Variants in FERMT3 observed in about 807,000 individuals in gnomAD.
The protein encoded by FERMT3 is FERM domain containing kindlin 3.
FERMT3 carries 33 observed loss-of-function variants against 80.8 expected under a neutral mutation model. The observed-to-expected ratio is 0.41, with a 90% CI of 0.31 to 0.55. The LOEUF (loss-of-function observed/expected upper bound fraction) is 0.55, where lower values mean the gene tolerates loss of function less well. Among genes scored for constraint, FERMT3 ranks in the 20% least tolerant of loss-of-function variants. The pLI, the probability that FERMT3 is intolerant of heterozygous loss-of-function variation, is 0.31. For missense variants in FERMT3, 754 were observed against 908.7 expected (o/e 0.83, Z 2.19); for synonymous variants, 375 against 372.2 (o/e 1.01, Z -0.09).
chr11:64,223,239 C>A (rs1335832401), intron 14 of FERMT3, 50 bp downstream of exon 14: 2 of 1,613,122 alleles, frequency 1.2e-6, no homozygotes, highest in East Asian at 4.5e-5. Flanking sequence ...CAGGCCGGAG[C>A]TGGATCCAGC....
Position 64,211,793 on chromosome 11 carries a change from G to C in FERMT3, c.786+46G>C, listed in dbSNP as rs766624922. The C allele has an allele frequency of 6.4e-7, 1 of 1,563,686 alleles. No individual in the cohort carries two copies. The highest frequency in any genetic ancestry group is 1.7e-5 in the Admixed American group (1 of 59,852). ...AGCGGGCCTCAGGTCCATGAGATGT[G>C]GAGACCTAGGGCCTGGGGTATGGGC... On this transcript the variant is annotated intron_variant, in intron 6 of 14. Transcript: ENST00000345728. The surrounding 1 kb of genome is among the most constrained non-coding windows in gnomAD (Gnocchi z 4.7).
Position 64,210,295 on chromosome 11 carries a change from G to A in FERMT3, c.161-316G>A, listed in dbSNP as rs912813525. ...TGGATTATGGGAGGACAGAGGGGGC[G>A]TCATGTGGAGGGAGCCCAGTGGGCT... On this transcript the variant is annotated intron_variant, in intron 2 of 14. Coordinates refer to ENST00000345728, the MANE Select transcript of FERMT3 (RefSeq NM_031471.6). This position sits in a 1 kb window ranked among gnomAD's most constrained non-coding sequence, Gnocchi z 4.3. Among the ~76,000 whole-genome samples, 7 of 152,314 alleles carry A rather than the reference G, an allele frequency of 4.6e-5. No individual in the cohort carries two copies. The highest frequency in any genetic ancestry group is 1.3e-4 in the Admixed American group (2 of 15,304).
chr11:64,213,803 T>G (rs368694129), intron 6 of FERMT3, among the ~76,000 whole-genome samples: 9 of 150,964 alleles, frequency 6.0e-5, no homozygotes, highest in African/African-American at 2.2e-4. Context: ...CTCAGGTGAT[T>G]TGCCCACTTT....
intron 2 of FERMT3, among the ~76,000 whole-genome samples, chr11:64,209,019 G>T (rs1289048282): frequency 6.6e-6 from 1 of 152,204 alleles, no homozygotes; most frequent in African/African-American, 2.4e-5. Context: ...GGCCGGGCAG[G>T]GAGGATGGAG....
At chr11:64,221,819 C>T (rs1250443483) in intron 13 of FERMT3, among the ~76,000 whole-genome samples, 2 of 151,898 alleles carry the variant, frequency 1.3e-5, no homozygotes, top group African/African-American at 4.8e-5. Flanking sequence ...CCCAGCTACT[C>T]AGGAGACTGA....
At chr11:64,212,857 A>C (rs146064019) in intron 6 of FERMT3, among the ~76,000 whole-genome samples, 37 of 152,154 alleles carry the variant, frequency 2.4e-4, no homozygotes, top group African/African-American at 6.3e-4. Flanking sequence ...TCTCCAGCTC[A>C]GATGTCTCTC....
intron 6 of FERMT3, among the ~76,000 whole-genome samples, chr11:64,217,380 T>C (rs1205069545): frequency 6.6e-6 from 1 of 152,190 alleles, no homozygotes; most frequent in African/African-American, 2.4e-5. Flanking sequence ...AGAAAGCCTG[T>C]ATCTACTAAA....
At position 64,221,136 on chromosome 11, in the gene FERMT3, G is replaced by A. The variant is rs1946672810; in HGVS notation, c.1666G>A (p.Val556Ile). ...LPDFGISYVM[V>I]RFKGSRKDEI... is the part of the protein sequence containing the mutation. ...CGACTTCGGCATCTCCTATGTCATG[G>A]TCAGGTATGGCCCCTGGCCCAGCCC... Residue 556 changes from valine to isoleucine, a missense_variant, in exon 13 of 15, where the codon GTC (valine) becomes ATC (isoleucine). Val to Ile is a conservative substitution (Grantham distance 29). Coordinates refer to ENST00000345728, the MANE Select transcript of FERMT3 (RefSeq NM_031471.6). The A allele has an allele frequency of 6.2e-7, 1 of 1,608,620 alleles. No homozygotes were observed. Among genetic ancestry groups the A allele is most frequent in the African/African-American group, 1.3e-5 (1 of 74,920 alleles).
chr11:64,220,033 G>A lies in FERMT3; in HGVS notation c.1204+18G>A, dbSNP rs1298758408. 1.4e-5 allele frequency: 23 copies of A among 1,612,746 alleles called. No individual in the cohort carries two copies. In the Admixed American group the frequency reaches 3.8e-4, roughly 27 times the overall value. On this transcript the variant is annotated intron_variant, in intron 10 of 14. Transcript: ENST00000345728. ...CCTCAAGGGTAAGTGCACAGGGCCA[G>A]GGGCTGGGTGGGGGGATCCCCACTT...
Position 64,221,146 on chromosome 11 carries a change from G to T in FERMT3, c.1670+6G>T. 1 of 1,607,190 alleles carries T rather than the reference G, an allele frequency of 6.2e-7. No individual in the cohort carries two copies. ...ATCTCCTATGTCATGGTCAGGTATG[G>T]CCCCTGGCCCAGCCCCCTGCCCAGC... On this transcript the variant is annotated splice_donor_region_variant and intron_variant, in intron 13 of 14. Coordinates refer to ENST00000345728, the MANE Select transcript of FERMT3 (RefSeq NM_031471.6).
At chr11:64,207,824 TCA>T in intron 2 of FERMT3, 1 of 325,716 alleles carries the variant, frequency 3.1e-6, no homozygotes, top group Non-Finnish European at 5.8e-6. Context: ...GAGGCTGAAG[TCA>T]CATTGCTGAG....
rs1946424644 is a variant in FERMT3 at position 64,211,076 on chromosome 11, C to T, written c.419C>T (p.Ser140Phe). 1 of 1,590,988 alleles carries T rather than the reference C, an allele frequency of 6.3e-7. No individual in the cohort carries two copies. The highest frequency in any genetic ancestry group is 8.6e-7 in the Non-Finnish European group (1 of 1,168,586). The change falls in exon 4 of 15, where the codon TCC (serine) becomes TTC (phenylalanine). Residue 140 changes from serine (S) to phenylalanine (F), a missense_variant. Transcript: ENST00000345728. This position sits in a 1 kb window ranked among gnomAD's most constrained non-coding sequence, Gnocchi z 4.7. ...GGCATCCGGCACCCCGAGGAGCTGT[C>T]CCTGCTCCGGGCTCCTGAGAAGAAG... ...LLSIRHPEEL[S>F]LLRAPEKKEK...
chr11:64,211,325 G>A lies in FERMT3; in HGVS notation c.565G>A (p.Ala189Thr), dbSNP rs200176196. The change falls in exon 5 of 15, where the codon GCC becomes ACC. Residue 189 changes from alanine to threonine, a missense_variant. Physicochemically the swap from Ala to Thr is moderately conservative, Grantham distance 58 (BLOSUM62 0). Transcript: ENST00000345728. This position sits in a 1 kb window ranked among gnomAD's most constrained non-coding sequence, Gnocchi z 4.7. ...GATGCCAGCTCACTTCTCGGACAGCGCCCAGACTGAGGCCTGCTACCACAT... is the reference window on the plus strand; with the variant it reads ...GATGCCAGCTCACTTCTCGGACAGCACCCAGACTGAGGCCTGCTACCACAT... ...RGMPAHFSDS[A>T]QTEACYHMLS... 1.1e-4 allele frequency: 172 copies of A among 1,613,022 alleles called. No individual in the cohort carries two copies. Among genetic ancestry groups the A allele is most frequent in the Non-Finnish European group, 5.3e-5 (62 of 1,179,840 alleles).
chr11:64,214,195 T>C (rs1362472969), intron 6 of FERMT3, among the ~76,000 whole-genome samples: 17 of 127,712 alleles, frequency 1.3e-4, no homozygotes, highest in Non-Finnish European at 2.8e-4. Context: ...TTGAGATGAG[T>C]TTTGCTCTTG....
chr11:64,223,471 C>CG lies in FERMT3; in HGVS notation c.1976dup (p.His660ProfsTer2). ...ATGAAGACCTCTTCCTGCAGCTCAC[C>CG]GGGGGCCATGAGGCCTTCTGAGGGC... On this transcript the variant is annotated frameshift_variant, in exon 15 of 15. Transcript: ENST00000345728. LOFTEE classifies it high-confidence loss of function. 1 of 1,610,878 alleles carries CG rather than the reference C, an allele frequency of 6.2e-7. No homozygotes were observed. Among genetic ancestry groups the CG allele is most frequent in the Non-Finnish European group, 8.5e-7 (1 of 1,179,932 alleles).
rs758261469 is a variant in FERMT3, at chr11:64,219,376, G to A, written c.894+18G>A. ...CCCTGCAGGTACCAGGCGGGCCTGG[G>A]GGCACCAGGGCAGGTGGGAGGTGAG... is the stretch of plus-strand genomic sequence containing the variant. On this transcript the variant is annotated intron_variant, in intron 7 of 14. Coordinates refer to ENST00000345728, the MANE Select transcript of FERMT3 (RefSeq NM_031471.6). This position sits in a 1 kb window ranked among gnomAD's most constrained non-coding sequence, Gnocchi z 4.0. The A allele has an allele frequency of 3.8e-6, 6 of 1,578,360 alleles. No homozygotes were observed. Among genetic ancestry groups the A allele is most frequent in the Non-Finnish European group, 5.2e-6 (6 of 1,162,694 alleles).
rs368973559 is a variant in FERMT3, at chr11:64,211,732, C to T, written c.771C>T (p.Phe257=). 1.7e-4 allele frequency: 276 copies of T among 1,614,150 alleles called. 1 individual carries two copies. Among genetic ancestry groups the T allele is most frequent in the Non-Finnish European group, 2.2e-4 (257 of 1,180,018 alleles). The change falls in exon 6 of 15, where the codon TTC becomes TTT. Residue 257 remains phenylalanine (F), a synonymous_variant. Transcript: ENST00000345728. The surrounding 1 kb of genome is among the most constrained non-coding windows in gnomAD (Gnocchi z 4.7). ...TGCGCTTCAAGTACTACAGCTTCTT[C>T]GATTTGGATCCCAAGGTGGGTCGGG... ...LWLRFKYYSF[F]DLDPKTDPVR...
intron 2 of FERMT3, chr11:64,207,878 T>C: frequency 5.0e-6 from 1 of 201,240 alleles, no homozygotes; most frequent in South Asian, 8.9e-5. Context: ...GCCCCCACGC[T>C]CCCTCCCCTT....
At position 64,211,654 on chromosome 11, in the gene FERMT3, C is replaced by T. The variant is rs1452699627; in HGVS notation, c.693C>T (p.Asp231=). 2 of 1,613,910 alleles carry T rather than the reference C, an allele frequency of 1.2e-6. No homozygotes were observed. Among genetic ancestry groups the T allele is most frequent in the Non-Finnish European group, 1.7e-6 (2 of 1,180,026 alleles). Reference sequence around the variant, plus strand: ...TTCTGCCGCGGCCCAGGTGGCTGGACTCGTCGCGGTGTCTCATGCAGCAGG... The same window carrying T: ...TTCTGCCGCGGCCCAGGTGGCTGGATTCGTCGCGGTGTCTCATGCAGCAGG... ...DKTQLHSRWL[D]SSRCLMQQGI... Residue 231 remains aspartate, a synonymous_variant, in exon 6 of 15, where the codon GAC becomes GAT. Transcript: ENST00000345728. The surrounding 1 kb of genome is among the most constrained non-coding windows in gnomAD (Gnocchi z 4.7).
Sources: gnomAD v4.1 joint callset for allele counts (sites outside exome capture counted in the v4.1 genomes callset) on GRCh38, gnomAD v4.1.1 for gene constraint, Gnocchi (gnomAD v3.1) non-coding constraint, MANE v1.5 for transcripts, NCBI Gene and HGNC (gene_info 2026-07-23, HGNC 2026-07-21) for gene names.